SPOCK3: variants seen among roughly 807,000 people sequenced by gnomAD.
The protein encoded by SPOCK3 is SPARC (osteonectin), cwcv and kazal like domains proteoglycan 3.
Under a neutral mutation model 56.6 loss-of-function variants are expected in SPOCK3, and 30 were observed. That is an observed-to-expected ratio of 0.53 (90% CI 0.40 to 0.72). The LOEUF is 0.72. SPOCK3 is among the 30% of genes least tolerant of loss of function. The pLI is 0.00. For synonymous variants in SPOCK3, 196 were observed against 183.3 expected (o/e 1.07, Z -0.56); for missense variants, 527 against 530.0 (o/e 0.99, Z 0.06).
intron 3 of SPOCK3, among the ~76,000 whole-genome samples, chr4:167,045,332 A>T (rs1240263430): frequency 2.0e-5 from 3 of 152,032 alleles, no homozygotes. Context: ...CTTGTATTTG[A>T]CCCACTATGA....
At chr4:167,183,797 A>T (rs1305916779) in intron 2 of SPOCK3, among the ~76,000 whole-genome samples, 3 of 152,214 alleles carry the variant, frequency 2.0e-5, no homozygotes, top group Non-Finnish European at 4.4e-5. Flanking sequence ...CTATGAGAAC[A>T]ATGACAGCAA....
intron 4 of SPOCK3, among the ~76,000 whole-genome samples, chr4:166,942,215 A>AT (rs1172534958): frequency 1.3e-5 from 2 of 151,458 alleles, no homozygotes; most frequent in East Asian, 1.9e-4. Context: ...TGATTTTTTA[A>AT]TTTTTTTTAT....
intron 6 of SPOCK3, among the ~76,000 whole-genome samples, chr4:166,794,234 A>AAAAAAAC (rs1741655560): frequency 7.6e-6 from 1 of 130,816 alleles, no homozygotes; most frequent in Non-Finnish European, 1.7e-5. Context: ...AAAAAAAAAA[A>AAAAAAAC]TAGCACACTC....
chr4:167,207,363 T>C (rs1386656255), intron 2 of SPOCK3, among the ~76,000 whole-genome samples: 1 of 151,994 alleles, frequency 6.6e-6, no homozygotes, highest in Non-Finnish European at 1.5e-5. Context: ...AGATTTATTT[T>C]AGAAAGATTA....
chr4:166,840,182 G>A (rs1223456946), intron 6 of SPOCK3, among the ~76,000 whole-genome samples: 1 of 152,152 alleles, frequency 6.6e-6, no homozygotes, highest in Non-Finnish European at 1.5e-5. Flanking sequence ...CGTATGATTT[G>A]TATTGACACT....
At chr4:166,742,574 A>G (rs946633340) in intron 8 of SPOCK3, among the ~76,000 whole-genome samples, 1 of 152,154 alleles carries the variant, frequency 6.6e-6, no homozygotes, top group Non-Finnish European at 1.5e-5. Flanking sequence ...GAAAAAGTTA[A>G]TGCTTCTTTC....
intron 6 of SPOCK3, among the ~76,000 whole-genome samples, chr4:166,867,600 A>C (rs1310238681): frequency 6.6e-6 from 1 of 151,154 alleles, no homozygotes; most frequent in Non-Finnish European, 1.5e-5. Flanking sequence ...TGACTAATGA[A>C]TTATATTAAA....
chr4:166,815,893 A>G (rs1560889011), intron 6 of SPOCK3, among the ~76,000 whole-genome samples: 1 of 152,146 alleles, frequency 6.6e-6, no homozygotes, highest in African/African-American at 2.4e-5. Flanking sequence ...GATTATGTAC[A>G]TAGTTAACTC....
intron 4 of SPOCK3, among the ~76,000 whole-genome samples, chr4:166,992,741 C>G (rs17052729): frequency 0.053 from 8,020 of 151,984 alleles, 689 homozygotes; most frequent in African/African-American, 0.18. Flanking sequence ...TTTTTTCTCT[C>G]CAAAGGTTTA....
At chr4:167,086,901 A>G (rs1045992441) in intron 2 of SPOCK3, among the ~76,000 whole-genome samples, 1 of 152,052 alleles carries the variant, frequency 6.6e-6, no homozygotes, top group Non-Finnish European at 1.5e-5. Flanking sequence ...CAAGTATAGT[A>G]TTTTTTCACC....
intron 6 of SPOCK3, among the ~76,000 whole-genome samples, chr4:166,820,945 G>T (rs1191250080): frequency 6.6e-6 from 1 of 151,954 alleles, no homozygotes; most frequent in Non-Finnish European, 1.5e-5. Context: ...ATGAAAAATT[G>T]ACATACCTCA....
intron 6 of SPOCK3, among the ~76,000 whole-genome samples, chr4:166,824,401 C>T (rs1215066400): frequency 2.6e-5 from 4 of 152,068 alleles, no homozygotes; most frequent in Non-Finnish European, 5.9e-5. Flanking sequence ...TCTTACAGAG[C>T]CTAGATCTTA....
At chr4:167,108,327 T>C (rs1031894318) in intron 2 of SPOCK3, among the ~76,000 whole-genome samples, 1 of 151,806 alleles carries the variant, frequency 6.6e-6, no homozygotes, top group African/African-American at 2.4e-5. Flanking sequence ...AGAAAGGAAA[T>C]CAGTATATAG....
intron 7 of SPOCK3, among the ~76,000 whole-genome samples, chr4:166,765,080 T>G (rs1374841133): frequency 6.6e-6 from 1 of 152,226 alleles, no homozygotes; most frequent in Non-Finnish European, 1.5e-5. Context: ...TTGTAGATTC[T>G]GGATATTAGC....
chr4:166,959,528 G>A (rs1296264764), intron 4 of SPOCK3, among the ~76,000 whole-genome samples: 1 of 151,692 alleles, frequency 6.6e-6, no homozygotes, highest in Non-Finnish European at 1.5e-5. Flanking sequence ...CAGGAGAATT[G>A]TTGAACCCAG....
intron 2 of SPOCK3, among the ~76,000 whole-genome samples, chr4:167,151,583 C>A (rs1364138778): frequency 6.6e-6 from 1 of 151,900 alleles, no homozygotes; most frequent in African/African-American, 2.4e-5. Flanking sequence ...TACAGGCACC[C>A]GCCACCACGC....
Position 167,067,285 on chromosome 4 carries a change from T to C in SPOCK3, c.190-4748A>G, listed in dbSNP as rs562569262. Among the ~76,000 whole-genome samples, 3 of 152,042 alleles carry C rather than the reference T, an allele frequency of 2.0e-5. No homozygotes were observed. The East Asian group carries it at 5.8e-4, about 30-fold the overall frequency. ...AAAGCACCACACTTTTAAATATTAC[T>C]AAACAGAGACACTATTGAAGTCTAC... On this transcript the variant is annotated intron_variant, in intron 2 of 10. Transcript: ENST00000357545.
intron 6 of SPOCK3, among the ~76,000 whole-genome samples, chr4:166,832,998 A>G (rs1412771327): frequency 1.3e-5 from 2 of 152,182 alleles, no homozygotes; most frequent in Non-Finnish European, 2.9e-5. Context: ...CAAATACCTC[A>G]GCATCATGCA....
intron 4 of SPOCK3, among the ~76,000 whole-genome samples, chr4:166,946,266 T>C (rs1316092865): frequency 1.3e-5 from 2 of 152,168 alleles, no homozygotes; most frequent in Non-Finnish European, 2.9e-5. Context: ...TATACTCCTT[T>C]GTTTAAGACC....
Sources: gnomAD v4.1 joint callset for allele counts (sites outside exome capture counted in the v4.1 genomes callset) on GRCh38, gnomAD v4.1.1 for gene constraint, MANE v1.5 for transcripts, NCBI Gene and HGNC (gene_info 2026-07-23, HGNC 2026-07-21) for gene names.